PHAF1: variants seen among roughly 807,000 people sequenced by gnomAD.
PHAF1 encodes phagosome assembly factor 1.
A neutral mutation model predicts 63.1 loss-of-function variants in PHAF1; 23 were observed. The observed-to-expected ratio is 0.36, with a 90% CI of 0.26 to 0.52. PHAF1 has a LOEUF of 0.52. Among genes scored for constraint, PHAF1 ranks in the 20% least tolerant of loss-of-function variants. The pLI, the probability that PHAF1 is intolerant of heterozygous loss-of-function variation, is 0.93. For synonymous variants in PHAF1, 167 were observed against 185.0 expected (o/e 0.90, Z 0.79); for missense variants, 427 against 517.2 (o/e 0.83, Z 1.69).
chr16:67,116,282 T>A (rs1962728104), intron 1 of PHAF1, among the ~76,000 whole-genome samples: 1 of 152,254 alleles, frequency 6.6e-6, no homozygotes, highest in African/African-American at 2.4e-5. Flanking sequence ...AGCCTTGTGA[T>A]GATTGCCTTC....
chr16:67,131,628 G>A (rs945196914), intron 4 of PHAF1, among the ~76,000 whole-genome samples: 10 of 152,170 alleles, frequency 6.6e-5, no homozygotes, highest in Non-Finnish European at 7.3e-5. Flanking sequence ...CTGCCCTCCC[G>A]CTGACAGCCT....
At chr16:67,121,822 C>A (rs1424064909) in intron 2 of PHAF1, among the ~76,000 whole-genome samples, 5 of 151,974 alleles carry the variant, frequency 3.3e-5, no homozygotes, top group Non-Finnish European at 4.4e-5. Flanking sequence ...TCAGGTGATC[C>A]ACCGGCCTCG....
chr16:67,119,686 ATTT>A (rs776583499), intron 1 of PHAF1, among the ~76,000 whole-genome samples: 6 of 132,320 alleles, frequency 4.5e-5, no homozygotes, highest in African/African-American at 5.8e-5. Flanking sequence ...CGCCTGGCTA[ATTT>A]TTTTTTTTTT....
At chr16:67,121,515 G>A (rs1183134818) in intron 2 of PHAF1, among the ~76,000 whole-genome samples, 2 of 151,406 alleles carry the variant, frequency 1.3e-5, no homozygotes, top group Non-Finnish European at 2.9e-5. Flanking sequence ...AGTGGGCAGG[G>A]GTTTCTTAAA....
At chr16:67,135,917 A>G (rs564202857) in intron 8 of PHAF1, 2 of 152,278 alleles carry the variant, frequency 1.3e-5, no homozygotes, top group East Asian at 3.9e-4. Flanking sequence ...CTTTATGCCA[A>G]GTTCTCAACG....
chr16:67,146,019 AG>A (rs1351472412), intron 14 of PHAF1, among the ~76,000 whole-genome samples: 2 of 151,994 alleles, frequency 1.3e-5, no homozygotes, highest in Non-Finnish European at 1.5e-5. Flanking sequence ...CTCACTCAAG[AG>A]GGCCCTCTTG....
intron 1 of PHAF1, 23 bp from the exon 2 acceptor site, chr16:67,120,089 A>T: frequency 6.2e-7 from 1 of 1,608,032 alleles, no homozygotes; most frequent in Non-Finnish European, 8.5e-7. Context: ...AAATAACCAC[A>T]TAGGTGTCTT....
intron 11 of PHAF1, 102 bp from the exon 12 acceptor site, chr16:67,144,732 C>T (rs1963929685): frequency 1.5e-6 from 2 of 1,315,802 alleles, no homozygotes; most frequent in Admixed American, 3.5e-5. Context: ...GGGCTTTGGG[C>T]AGGTGTGTTT....
Position 67,110,150 on chromosome 16 carries a change from C to G in PHAF1, c.-26C>G. The stretch of plus-strand genomic sequence containing the variant: ...TCCCTTCTGCGCTGCCGCAGGGAGG[C>G]CGCCCGGGCCAGGCGAGCCGAACCA... On this transcript the variant is annotated 5_prime_UTR_variant, in exon 1 of 16. Coordinates refer to ENST00000219139, the MANE Select transcript of PHAF1 (RefSeq NM_025187.5). The G allele has an allele frequency of 4.5e-6, 7 of 1,550,270 alleles. No individual in the cohort carries two copies. The highest frequency in any genetic ancestry group is 6.1e-6 in the Non-Finnish European group (7 of 1,147,020).
chr16:67,125,933 G>T, intron 2 of PHAF1, 26 bp from the exon 3 acceptor site: 1 of 1,524,846 alleles, frequency 6.6e-7, no homozygotes. Context: ...CAGTTACTCA[G>T]AATGTATTTT....
intron 3 of PHAF1, among the ~76,000 whole-genome samples, chr16:67,126,594 G>GTTTTTTTTT (rs201265915): frequency 6.9e-6 from 1 of 144,238 alleles, no homozygotes; most frequent in African/African-American, 2.7e-5. Flanking sequence ...TTTTGTTTTT[G>GTTTTTTTTT]GTTTTTTTTT....
At chr16:67,145,452 G>A (rs756651172) in intron 13 of PHAF1, 33 bp downstream of exon 13, 2 of 1,614,056 alleles carry the variant, frequency 1.2e-6, no homozygotes, top group Non-Finnish European at 1.7e-6. Flanking sequence ...GGCATAGCCT[G>A]AGAATGAGGT....
chr16:67,130,346 C>CTTT (rs34430310), intron 3 of PHAF1, among the ~76,000 whole-genome samples: 976 of 74,974 alleles, frequency 0.013, 33 homozygotes, highest in African/African-American at 0.025. Flanking sequence ...CGTGCCCGGC[C>CTTT]TTTTTTTTTT....
intron 2 of PHAF1, among the ~76,000 whole-genome samples, chr16:67,121,826 G>T (rs992420467): frequency 1.3e-5 from 2 of 151,714 alleles, no homozygotes; most frequent in African/African-American, 4.8e-5. Context: ...GTGATCCACC[G>T]GCCTCGGCCT....
At chr16:67,141,416 G>A (rs915103829) in intron 10 of PHAF1, among the ~76,000 whole-genome samples, 1 of 152,194 alleles carries the variant, frequency 6.6e-6, no homozygotes, top group Non-Finnish European at 1.5e-5. Flanking sequence ...GAAACTTAGG[G>A]TGTTGCTTTT....
intron 2 of PHAF1, among the ~76,000 whole-genome samples, chr16:67,120,941 G>C (rs371022772): frequency 6.6e-6 from 1 of 152,150 alleles, no homozygotes; most frequent in Non-Finnish European, 1.5e-5. Context: ...TTTCTGAGAG[G>C]CTTCTCAGTT....
intron 10 of PHAF1, among the ~76,000 whole-genome samples, chr16:67,142,507 T>G (rs1963851343): frequency 6.6e-6 from 1 of 152,216 alleles, no homozygotes; most frequent in Non-Finnish European, 1.5e-5. Context: ...CCCATGCTGT[T>G]CATGCCGAGG....
At chr16:67,142,042 A>G (rs1014892418) in intron 10 of PHAF1, among the ~76,000 whole-genome samples, 1 of 152,200 alleles carries the variant, frequency 6.6e-6, no homozygotes, top group Non-Finnish European at 1.5e-5. Context: ...CAAAAAGGAG[A>G]GGAGCTTTAT....
chr16:67,146,958 G>A, intron 15 of PHAF1, 87 bp from the exon 16 acceptor site: 1 of 1,254,270 alleles, frequency 8.0e-7, no homozygotes, highest in South Asian at 1.2e-5. Context: ...GTGCAGGTAT[G>A]TCACACAACC....
Sources: gnomAD v4.1 joint callset for allele counts (sites outside exome capture counted in the v4.1 genomes callset) on GRCh38, gnomAD v4.1.1 for gene constraint, MANE v1.5 for transcripts, NCBI Gene and HGNC (gene_info 2026-07-23, HGNC 2026-07-21) for gene names.